The following FHIT variants were observed in gnomAD, a reference collection of about 807,000 sequenced individuals.
The protein encoded by FHIT is bis(5'-adenosyl)-triphosphatase.
Under a neutral mutation model 17.9 loss-of-function variants are expected in FHIT, and 19 were observed. The ratio of observed to expected loss-of-function variants is 1.06; its 90% CI spans 0.74 to 1.56. The LOEUF (loss-of-function observed/expected upper bound fraction) is 1.56. Ranked by LOEUF, FHIT falls within the 40% of genes most tolerant of loss-of-function variation. The probability of loss-of-function intolerance (pLI) is 0.00; values close to 1 mark genes in which losing one functional copy is unlikely to be tolerated. For missense variants in FHIT, 248 were observed against 189.2 expected (o/e 1.31, Z -1.82); for synonymous variants, 81 against 69.7 (o/e 1.16, Z -0.81).
At chr3:60,155,862 C>G (rs952782811) in intron 5 of FHIT, among the ~76,000 whole-genome samples, 1 of 152,136 alleles carries the variant, frequency 6.6e-6, no homozygotes, top group African/African-American at 2.4e-5. Flanking sequence ...CAAGTAAAGT[C>G]CAGCTCCTTT....
At chr3:60,489,502 C>CT (rs2033975859) in intron 5 of FHIT, among the ~76,000 whole-genome samples, 1 of 152,126 alleles carries the variant, frequency 6.6e-6, no homozygotes. Flanking sequence ...TAGCTTACAA[C>CT]TGTTTGGCCT....
chr3:60,852,851 T>A (rs562987941), intron 3 of FHIT, among the ~76,000 whole-genome samples: 12 of 151,838 alleles, frequency 7.9e-5, no homozygotes, highest in African/African-American at 2.7e-4. Context: ...AAAATCAAGA[T>A]TTTTTCAAAA....
intron 8 of FHIT, among the ~76,000 whole-genome samples, chr3:59,902,090 A>G (rs372874760): frequency 6.6e-6 from 1 of 152,188 alleles, no homozygotes; most frequent in South Asian, 2.1e-4. Context: ...AACCCATTCA[A>G]CTCAATAGTA....
At chr3:60,126,116 G>C (rs1005040441) in intron 5 of FHIT, among the ~76,000 whole-genome samples, 2 of 152,080 alleles carry the variant, frequency 1.3e-5, no homozygotes, top group Non-Finnish European at 1.5e-5. Flanking sequence ...TGATCTAGCA[G>C]AAAGATCAGA....
intron 8 of FHIT, among the ~76,000 whole-genome samples, chr3:59,782,804 A>AT (rs35886908): frequency 0.3 from 45,388 of 151,252 alleles, 7,144 homozygotes; most frequent in East Asian, 0.55. Flanking sequence ...TCTTTCTGGC[A>AT]TTTTTTTTTC....
chr3:59,968,777 C>T (rs948505612), intron 7 of FHIT, among the ~76,000 whole-genome samples: 3 of 152,190 alleles, frequency 2.0e-5, no homozygotes, highest in African/African-American at 4.8e-5. Flanking sequence ...TGCTAAAACA[C>T]GCTCTGTGAA....
Position 60,173,917 on chromosome 3 carries a change from G to GT in FHIT, c.104-159766dup, listed in dbSNP as rs142922853. Among the ~76,000 whole-genome samples the GT allele has an allele frequency of 4.4e-3, 156 of 35,496 alleles. 5 individuals carry two copies. The highest frequency in any genetic ancestry group is 9.3e-3 in the African/African-American group (72 of 7,710). 23.3% of individuals were successfully genotyped at this position (35,496 alleles called of 152,430 possible). A position where few individuals can be genotyped will look rare whatever the true frequency, so the allele number is the denominator to read the frequency against. ...TATATATATATATATATATATATATGTTTTTTTTTTTTTTTGAGATCGAGT... is the reference window on the plus strand; with the variant it reads ...TATATATATATATATATATATATATGTTTTTTTTTTTTTTTTGAGATCGAGT... On this transcript the variant is annotated intron_variant, in intron 5 of 9. Transcript: ENST00000492590.
chr3:61,051,503 C>G (rs1250145663), intron 2 of FHIT, among the ~76,000 whole-genome samples: 1 of 152,102 alleles, frequency 6.6e-6, no homozygotes, highest in African/African-American at 2.4e-5. Context: ...CTCACCTCAG[C>G]CTCCCAAAGT....
chr3:60,352,508 A>AT lies in FHIT; in HGVS notation c.103+184351dup, dbSNP rs1256394410. 3.6e-3 allele frequency among the ~76,000 whole-genome samples: 553 copies of AT among 151,606 alleles called. 5 individuals carry two copies. Among genetic ancestry groups the AT allele is most frequent in the Non-Finnish European group, 2.5e-3 (172 of 67,830 alleles). On this transcript the variant is annotated intron_variant, in intron 5 of 9. Coordinates refer to ENST00000492590, the MANE Select transcript of FHIT (RefSeq NM_002012.4). ...TTTCTAAAAGCATTTCTTTTTTAAA[A>AT]TTTTTTTTTAAGAGATGGAGTCTTA... is the stretch of plus-strand genomic sequence containing the variant.
At position 60,075,585 on chromosome 3, in the gene FHIT, C is replaced by G. The variant is rs3845975; in HGVS notation, c.104-61433G>C. 4.6e-3 allele frequency among the ~76,000 whole-genome samples: 694 copies of G among 152,196 alleles called. 7 individuals carry two copies. Among genetic ancestry groups the G allele is most frequent in the African/African-American group, 0.016 (654 of 41,542 alleles). Reference sequence around the variant, plus strand: ...AGGTTAAGCAGGTTTCTGTTCCATGCAACTTCTCAGTAACTTTAATAGTCT... The same window carrying G: ...AGGTTAAGCAGGTTTCTGTTCCATGGAACTTCTCAGTAACTTTAATAGTCT... On this transcript the variant is annotated intron_variant, in intron 5 of 9. Transcript: ENST00000492590.
intron 8 of FHIT, among the ~76,000 whole-genome samples, chr3:59,763,432 A>C (rs1221407008): frequency 6.6e-6 from 1 of 152,184 alleles, no homozygotes; most frequent in Non-Finnish European, 1.5e-5. Flanking sequence ...TCAAGATAAA[A>C]CCTATTTGAA....
intron 5 of FHIT, among the ~76,000 whole-genome samples, chr3:60,274,211 C>A (rs745353837): frequency 6.6e-6 from 1 of 152,100 alleles, no homozygotes. Flanking sequence ...CTTACCAGAG[C>A]TCTAATACTA....
At chr3:60,536,297 G>C (rs753957340) in intron 5 of FHIT, 3 of 152,068 alleles carry the variant, frequency 2.0e-5, no homozygotes, top group Non-Finnish European at 4.4e-5. Context: ...CTGCAAGCTG[G>C]TATTTTTCCC....
In FHIT at chr3:60,254,299, C is replaced by A. The variant is rs185924570; in HGVS notation, c.104-240147G>T. Among the ~76,000 whole-genome samples the A allele has an allele frequency of 2.6e-5, 4 of 152,092 alleles. No homozygotes were observed. In the South Asian group the frequency reaches 8.3e-4, roughly 32 times the overall value. ...TGCAATGAACAGTGAGAACTACAAC[C>A]GGAAAAACAGGTAGCAAAGACCCTA... On this transcript the variant is annotated intron_variant, in intron 5 of 9. Coordinates refer to ENST00000492590, the MANE Select transcript of FHIT (RefSeq NM_002012.4).
chr3:60,021,214 G>T (rs1700541143), intron 5 of FHIT, among the ~76,000 whole-genome samples: 1 of 152,180 alleles, frequency 6.6e-6, no homozygotes, highest in Non-Finnish European at 1.5e-5. Flanking sequence ...TATGCTTTGG[G>T]TCAGAGATAT....
chr3:59,752,281 C>G lies in FHIT; in HGVS notation c.389G>C (p.Arg130Thr), dbSNP rs763131516. ...HDKEDFPASWRSEEEMAAEAA... is the reference protein window; with the variant it reads ...HDKEDFPASWTSEEEMAAEAA... ...TTCTGCTGCCATTTCCTCCTCTGAT[C>G]TCCAAGAGGCAGGAAAGTCCTCCTT... Residue 130 changes from arginine to threonine, a missense_variant, in exon 9 of 10, where the codon AGA (arginine) becomes ACA (threonine). Transcript: ENST00000492590. 9.9e-6 allele frequency: 16 copies of G among 1,612,954 alleles called. No individual in the cohort carries two copies. Among genetic ancestry groups the G allele is most frequent in the Non-Finnish European group, 1.4e-5 (16 of 1,179,550 alleles).
intron 2 of FHIT, among the ~76,000 whole-genome samples, chr3:61,048,110 C>A (rs879409055): frequency 0.048 from 7,247 of 151,700 alleles, 176 homozygotes; most frequent in Middle Eastern, 0.065. Flanking sequence ...GCAACAAAAG[C>A]CAAAATTGAC....
intron 8 of FHIT, among the ~76,000 whole-genome samples, chr3:59,881,380 G>C (rs1331459119): frequency 6.6e-6 from 1 of 152,102 alleles, no homozygotes; most frequent in Non-Finnish European, 1.5e-5. Flanking sequence ...TCTTTTAAGA[G>C]ACACAAAGGA....
intron 2 of FHIT, among the ~76,000 whole-genome samples, chr3:61,089,062 A>G (rs764273116): frequency 5.9e-5 from 9 of 152,148 alleles, no homozygotes; most frequent in Non-Finnish European, 1.0e-4. Flanking sequence ...AGTGTCTCCT[A>G]CTGGGAATAT....
Sources: allele counts gnomAD v4.1 joint callset (sites outside exome capture counted in the v4.1 genomes callset), GRCh38; gene constraint gnomAD v4.1.1; transcripts MANE v1.5; gene names NCBI Gene and HGNC (gene_info 2026-07-23, HGNC 2026-07-21).